The following CCDC68 variants were observed in gnomAD, a reference collection of about 807,000 sequenced individuals.
CCDC68 encodes coiled-coil domain-containing protein 68.
Under a neutral mutation model 47.1 loss-of-function variants are expected in CCDC68, and 45 were observed. The observed-to-expected ratio is 0.96, with a 90% confidence interval of 0.75 to 1.23. The LOEUF is 1.23. Ranked by LOEUF, CCDC68 falls within the 50% of genes most tolerant of loss-of-function variation. The pLI is 0.00. For synonymous variants in CCDC68, 131 were observed against 129.5 expected, an observed-to-expected ratio of 1.01 and a Z score of -0.08; for missense variants, 353 against 373.6, an observed-to-expected ratio of 0.94 and a Z score of 0.45.
rs567826022 is a variant in CCDC68 at position 54,958,809 on chromosome 18, G to A, written c.-103+527C>T. On this transcript the variant is annotated intron_variant, in intron 1 of 11. Transcript: ENST00000591504. ...GATGCTACTCAACATTAAGGAAAAG[G>A]TCAAGCAATGGGCTGCTCTTTTTAC... 2.0e-5 allele frequency among the ~76,000 whole-genome samples: 3 copies of A among 152,160 alleles called. No homozygotes were observed. The South Asian group carries it at 6.2e-4, about 32-fold the overall frequency.
chr18:54,924,289 GA>G (rs113151571), intron 8 of CCDC68, among the ~76,000 whole-genome samples: 13 of 148,414 alleles, frequency 8.8e-5, no homozygotes, highest in Non-Finnish European at 1.6e-4. Context: ...TATTGTATAT[GA>G]AAAAAAAAAC....
chr18:54,931,659 C>T (rs2044264322), intron 7 of CCDC68, among the ~76,000 whole-genome samples: 1 of 152,100 alleles, frequency 6.6e-6, no homozygotes, highest in African/African-American at 2.4e-5. Flanking sequence ...ATCAATGACA[C>T]TAGAAAACAA....
rs148763230 is a variant in CCDC68, at chr18:54,933,621, G to C, written c.600+1199C>G. ...GGATCAAGTATTCTACCACTACCAAGTATACAACCAAATATTACAGTTTTT... is the reference window on the plus strand; with the variant it reads ...GGATCAAGTATTCTACCACTACCAACTATACAACCAAATATTACAGTTTTT... On this transcript the variant is annotated intron_variant, in intron 7 of 11. Transcript: ENST00000591504. Among the ~76,000 whole-genome samples the C allele has an allele frequency of 2.1e-3, 318 of 152,260 alleles. 2 individuals carry two copies. Among genetic ancestry groups the C allele is most frequent in the African/African-American group, 7.4e-3 (307 of 41,552 alleles).
intron 10 of CCDC68, among the ~76,000 whole-genome samples, chr18:54,912,662 A>AC (rs1426156212): frequency 6.6e-6 from 1 of 152,134 alleles, no homozygotes; most frequent in Non-Finnish European, 1.5e-5. Context: ...ACATTTAATC[A>AC]CCCAGTGTAT....
intron 7 of CCDC68, among the ~76,000 whole-genome samples, chr18:54,930,613 TC>T (rs575539195): frequency 0.031 from 1,806 of 57,566 alleles, 28 homozygotes; most frequent in African/African-American, 0.04. Context: ...CTTCCTTCCT[TC>T]CCTTCCCTTC....
chr18:54,956,364 G>A (rs2044713621), intron 1 of CCDC68, among the ~76,000 whole-genome samples: 1 of 152,218 alleles, frequency 6.6e-6, no homozygotes, highest in South Asian at 2.1e-4. Flanking sequence ...GAACCTGGAT[G>A]TTTAACTCTT....
chr18:54,934,527 C>A (rs1034360947), intron 7 of CCDC68, among the ~76,000 whole-genome samples: 151 of 152,120 alleles, frequency 9.9e-4, no homozygotes, highest in African/African-American at 3.6e-3. Flanking sequence ...GCATTCACAG[C>A]CTCACCTGGT....
chr18:54,923,001 A>G, intron 8 of CCDC68, among the ~76,000 whole-genome samples: 1 of 151,182 alleles, frequency 6.6e-6, no homozygotes, highest in Non-Finnish European at 1.5e-5. Context: ...AAAAAAAAAA[A>G]AAAAAAAAAA....
At chr18:54,959,128 A>T (rs1445088124) in intron 1 of CCDC68, 2 of 152,260 alleles carry the variant, frequency 1.3e-5, no homozygotes, top group African/African-American at 4.8e-5. Context: ...AATGGGGAAG[A>T]AACTTCTCGC....
chr18:54,941,621 T>C (rs1037483640), intron 3 of CCDC68, among the ~76,000 whole-genome samples: 3 of 152,138 alleles, frequency 2.0e-5, no homozygotes, highest in Non-Finnish European at 2.9e-5. Context: ...ATGATGGAAT[T>C]AATTAATCTG....
At chr18:54,915,406 G>A (rs2043928283) in intron 10 of CCDC68, among the ~76,000 whole-genome samples, 1 of 152,172 alleles carries the variant, frequency 6.6e-6, no homozygotes, top group African/African-American at 2.4e-5. Context: ...ATGAATGAAA[G>A]TTTAAAAATG....
At chr18:54,921,833 A>G (rs944275292) in intron 8 of CCDC68, among the ~76,000 whole-genome samples, 2 of 152,246 alleles carry the variant, frequency 1.3e-5, no homozygotes, top group African/African-American at 4.8e-5. Flanking sequence ...ATCACTAACT[A>G]GTTCAGCTGT....
intron 5 of CCDC68, 73 bp from the exon 6 acceptor site, chr18:54,937,031 C>A: frequency 7.2e-7 from 1 of 1,396,006 alleles, no homozygotes. Flanking sequence ...GTTTGATGGG[C>A]AATTAAGAAC....
At chr18:54,929,676 T>C (rs570033280) in intron 7 of CCDC68, among the ~76,000 whole-genome samples, 113 of 152,274 alleles carry the variant, frequency 7.4e-4, no homozygotes, top group African/African-American at 2.7e-3. Flanking sequence ...ATGGATGGAA[T>C]TGACTGGAAG....
intron 8 of CCDC68, among the ~76,000 whole-genome samples, chr18:54,925,101 A>G (rs1056684271): frequency 1.3e-5 from 2 of 152,176 alleles, no homozygotes; most frequent in Admixed American, 1.3e-4. Context: ...ATTGGTTTTA[A>G]TCATGTGGAA....
chr18:54,914,177 G>A (rs887706331), intron 10 of CCDC68, among the ~76,000 whole-genome samples: 1 of 152,080 alleles, frequency 6.6e-6, no homozygotes, highest in East Asian at 1.9e-4. Context: ...AATATGGCTT[G>A]GACTTTTTAA....
At chr18:54,906,453 CAG>C (rs1372750454) in intron 11 of CCDC68, among the ~76,000 whole-genome samples, 1 of 152,124 alleles carries the variant, frequency 6.6e-6, no homozygotes, top group Non-Finnish European at 1.5e-5. Context: ...ATATACCAGC[CAG>C]AGTCTCAGCA....
At chr18:54,918,579 C>T (rs971280546) in intron 9 of CCDC68, among the ~76,000 whole-genome samples, 1 of 152,308 alleles carries the variant, frequency 6.6e-6, no homozygotes, top group African/African-American at 2.4e-5. Context: ...CAAAGTCCCT[C>T]CTGGCTCTCA....
intron 1 of CCDC68, among the ~76,000 whole-genome samples, chr18:54,949,018 G>A (rs975687937): frequency 3.3e-5 from 5 of 152,154 alleles, no homozygotes; most frequent in Non-Finnish European, 7.3e-5. Flanking sequence ...TTGAGACAAG[G>A]TCTCTCACTC....
Sources: allele counts gnomAD v4.1 joint callset (sites outside exome capture counted in the v4.1 genomes callset), GRCh38; gene constraint gnomAD v4.1.1; transcripts MANE v1.5; gene names NCBI Gene and HGNC (gene_info 2026-07-23, HGNC 2026-07-21).